The following LAMA2 variants were observed in gnomAD, a reference collection of about 807,000 sequenced individuals.
The protein encoded by LAMA2 is laminin subunit alpha-2.
LAMA2 carries 269 observed loss-of-function variants against 364.8 expected under a neutral mutation model. That is an observed-to-expected ratio of 0.74 (90% CI 0.67 to 0.82). The LOEUF is 0.82. LAMA2 is among the 40% of genes least tolerant of loss of function. The pLI is 0.00. For synonymous variants in LAMA2, 1,379 were observed against 1,370.6 expected, an observed-to-expected ratio of 1.01 and a Z score of -0.14; for missense variants, 3,807 against 3,873.2, an observed-to-expected ratio of 0.98 and a Z score of 0.45.
At chr6:128,939,486 T>C (rs1216409620) in intron 1 of LAMA2, among the ~76,000 whole-genome samples, 1 of 152,192 alleles carries the variant, frequency 6.6e-6, no homozygotes, top group Non-Finnish European at 1.5e-5. Context: ...ACTTTCTTTT[T>C]GCTTAACAAA....
intron 1 of LAMA2, among the ~76,000 whole-genome samples, chr6:128,932,800 T>C (rs1023399025): frequency 6.6e-6 from 1 of 152,194 alleles, no homozygotes; most frequent in Admixed American, 6.5e-5. Context: ...AATTAATACG[T>C]GTATCACCTC....
In LAMA2 at chr6:129,486,478, A is replaced by G. The variant is rs745422687; in HGVS notation, c.7754A>G (p.Tyr2585Cys). The G allele has an allele frequency of 3.1e-6, 5 of 1,613,434 alleles. No homozygotes were observed. Among genetic ancestry groups the G allele is most frequent in the Non-Finnish European group, 4.2e-6 (5 of 1,179,464 alleles). ...AATAACCACTTGCTGTTGCAGGCCT[A>G]TTATGCAATACTCCTCAACAGGGGC... The part of the protein sequence containing the change: ...RRKRRQTGQA[Y>C]YAILLNRGRL... Residue 2585 changes from tyrosine (Y) to cysteine (C), a missense_variant, in exon 56 of 65, where the codon TAT (tyrosine) becomes TGT (cysteine). Tyr to Cys is a radical substitution (Grantham distance 194). Around this residue, in one of 3 missense-constraint regions of LAMA2, gnomAD observed 3,333 missense variants for 3,345.7 expected, o/e 1.00. Transcript: ENST00000421865.
intron 13 of LAMA2, among the ~76,000 whole-genome samples, chr6:129,251,068 C>CTATATA (rs1786181489): frequency 2.9e-5 from 2 of 68,508 alleles, no homozygotes; most frequent in African/African-American, 9.4e-5. Flanking sequence ...CTCTCTCTCT[C>CTATATA]TCTCTCTCTA....
chr6:129,300,891 TG>T lies in LAMA2; in HGVS notation c.3174+20del, dbSNP rs1773509536. ...TTGTAAGGTGAGTGAACCACTTTTT[TG>T]CTCTGATAATTTTTTGGAGAGATTT... On this transcript the variant is annotated intron_variant, in intron 22 of 64. Transcript: ENST00000421865. 1 of 1,613,380 alleles carries T rather than the reference TG, an allele frequency of 6.2e-7. No homozygotes were observed. The highest frequency in any genetic ancestry group is 1.3e-5 in the African/African-American group (1 of 74,924).
intron 1 of LAMA2, among the ~76,000 whole-genome samples, chr6:128,914,745 A>G (rs1235606996): frequency 1.3e-5 from 2 of 152,182 alleles, no homozygotes; most frequent in African/African-American, 4.8e-5. Flanking sequence ...TTCTTTTACT[A>G]GAGACTTTAG....
chr6:129,174,052 A>T (rs1442622014), intron 9 of LAMA2, among the ~76,000 whole-genome samples: 7 of 152,092 alleles, frequency 4.6e-5, no homozygotes. Flanking sequence ...AATTTTATGT[A>T]ATCAGCTGTC....
intron 12 of LAMA2, among the ~76,000 whole-genome samples, chr6:129,194,633 G>T (rs774204555): frequency 3.3e-5 from 5 of 152,122 alleles, no homozygotes; most frequent in Admixed American, 6.5e-5. Context: ...CATTAACAGG[G>T]TGTGCAAATT....
At chr6:128,928,108 C>T (rs1366120785) in intron 1 of LAMA2, among the ~76,000 whole-genome samples, 2 of 152,196 alleles carry the variant, frequency 1.3e-5, no homozygotes, top group African/African-American at 2.4e-5. Context: ...AATTCCTTCT[C>T]CTCTACGGTA....
chr6:128,920,820 T>A (rs1297021554), intron 1 of LAMA2, among the ~76,000 whole-genome samples: 1 of 152,064 alleles, frequency 6.6e-6, no homozygotes, highest in East Asian at 1.9e-4. Context: ...TGCTCTTGAC[T>A]TTTTATGTTG....
intron 1 of LAMA2, among the ~76,000 whole-genome samples, chr6:128,891,610 CAAA>C (rs1311781188): frequency 2.0e-5 from 3 of 151,902 alleles, no homozygotes; most frequent in African/African-American, 7.2e-5. Flanking sequence ...CAAAATGCCT[CAAA>C]AAATGAATTA....
intron 48 of LAMA2, among the ~76,000 whole-genome samples, chr6:129,459,585 C>T (rs1240561617): frequency 6.6e-6 from 1 of 152,008 alleles, no homozygotes; most frequent in East Asian, 1.9e-4. Flanking sequence ...CCCTTGAACT[C>T]GAAATCTTCT....
chr6:129,368,625 A>AAG (rs1356315862), intron 33 of LAMA2, among the ~76,000 whole-genome samples: 2 of 152,234 alleles, frequency 1.3e-5, no homozygotes, highest in Non-Finnish European at 2.9e-5. Context: ...TGATGAAGTA[A>AAG]AGAGGATCCT....
intron 19 of LAMA2, among the ~76,000 whole-genome samples, chr6:129,288,466 A>T (rs1345739295): frequency 1.3e-5 from 2 of 152,204 alleles, no homozygotes; most frequent in Non-Finnish European, 2.9e-5. Flanking sequence ...AGCCATCAGA[A>T]GGTGTTAATC....
intron 29 of LAMA2, among the ~76,000 whole-genome samples, chr6:129,340,543 A>T (rs1305775296): frequency 1.3e-5 from 2 of 152,164 alleles, no homozygotes; most frequent in African/African-American, 2.4e-5. Flanking sequence ...CTTATCTCTT[A>T]AAGTAGGGTA....
intron 12 of LAMA2, among the ~76,000 whole-genome samples, chr6:129,208,264 A>G (rs1229184927): frequency 1.3e-5 from 2 of 152,210 alleles, no homozygotes; most frequent in East Asian, 1.9e-4. Flanking sequence ...AATGTATAAA[A>G]TGAAAATAAT....
chr6:129,297,097 A>G (rs1773232742), intron 20 of LAMA2, among the ~76,000 whole-genome samples: 1 of 152,318 alleles, frequency 6.6e-6, no homozygotes, highest in South Asian at 2.1e-4. Flanking sequence ...AAGAAATCAA[A>G]TGTTTGTTGA....
chr6:129,037,794 C>T (rs995261306), intron 1 of LAMA2, among the ~76,000 whole-genome samples: 15 of 151,924 alleles, frequency 9.9e-5, no homozygotes, highest in Admixed American at 3.3e-4. Flanking sequence ...CTCAGCCTCC[C>T]GAGTAGCTGC....
chr6:129,005,880 A>G (rs1784419085), intron 1 of LAMA2, among the ~76,000 whole-genome samples: 1 of 151,388 alleles, frequency 6.6e-6, no homozygotes, highest in African/African-American at 2.4e-5. Context: ...CATTTTGTCT[A>G]TTTACCTATC....
At chr6:129,470,785 T>C (rs1192149944) in intron 51 of LAMA2, among the ~76,000 whole-genome samples, 1 of 151,870 alleles carries the variant, frequency 6.6e-6, no homozygotes, top group Non-Finnish European at 1.5e-5. Context: ...ATTGCTCCTT[T>C]TCAGTGACCA....
Sources: gnomAD v4.1 joint callset for allele counts (sites outside exome capture counted in the v4.1 genomes callset) on GRCh38, gnomAD v4.1.1 for gene constraint, gnomAD v4.1.1 regional missense constraint, MANE v1.5 for transcripts, NCBI Gene and HGNC (gene_info 2026-07-23, HGNC 2026-07-21) for gene names.